TRABD2B: variants seen among roughly 807,000 people sequenced by gnomAD.
TRABD2B encodes TraB domain containing 2B.
Under a neutral mutation model 40.1 loss-of-function variants are expected in TRABD2B, and 14 were observed. The observed-to-expected ratio is 0.35, with a 90% CI of 0.23 to 0.55. The LOEUF is 0.55. Ranked by LOEUF, TRABD2B falls within the 20% of genes least tolerant of loss-of-function variation. The pLI is 0.90. For synonymous variants in TRABD2B, 263 were observed against 277.0 expected (o/e 0.95, Z 0.50); for missense variants, 541 against 648.6 (o/e 0.83, Z 1.80).
At chr1:47,979,036 G>T (rs184574742) in intron 2 of TRABD2B, among the ~76,000 whole-genome samples, 1 of 152,018 alleles carries the variant, frequency 6.6e-6, no homozygotes, top group East Asian at 1.9e-4. Flanking sequence ...TGCTACAGCC[G>T]CACCAGGAGT....
At chr1:47,959,948 G>A (rs180713266) in intron 2 of TRABD2B, among the ~76,000 whole-genome samples, 381 of 152,122 alleles carry the variant, frequency 2.5e-3, no homozygotes, top group African/African-American at 8.5e-3. Flanking sequence ...AATGAATATC[G>A]ATGCAAAAAT....
intron 4 of TRABD2B, among the ~76,000 whole-genome samples, chr1:47,784,077 C>T (rs572687045): frequency 8.5e-5 from 13 of 152,266 alleles, no homozygotes; most frequent in African/African-American, 2.9e-4. Context: ...GCTTCTCAAA[C>T]GTCATTTCAT....
At chr1:47,827,396 GC>G (rs1645190743) in intron 2 of TRABD2B, among the ~76,000 whole-genome samples, 1 of 152,222 alleles carries the variant, frequency 6.6e-6, no homozygotes, top group East Asian at 1.9e-4. Flanking sequence ...TGTCTGTGTG[GC>G]CCATGGCAAG....
Position 47,761,165 on chromosome 1 carries a change from A to C in TRABD2B, c.*4737T>G, listed in dbSNP as rs1398918380. The C allele has an allele frequency of 2.6e-5, 4 of 152,464 alleles. No homozygotes were observed. The highest frequency in any genetic ancestry group is 2.0e-4 in the Admixed American group (3 of 15,288). 9.4% of individuals were successfully genotyped at this position (152,464 alleles called of 1,614,324 possible). On this transcript the variant is annotated 3_prime_UTR_variant, in exon 7 of 7. Coordinates refer to ENST00000606738, the MANE Select transcript of TRABD2B (RefSeq NM_001194986.2). Reference sequence around the variant, plus strand: ...GACAGATGAGGAAGTGAAGGCTCAGAGAGGGACAGGAACTTGCCCAAGGTC... The same window carrying C: ...GACAGATGAGGAAGTGAAGGCTCAGCGAGGGACAGGAACTTGCCCAAGGTC...
At chr1:47,815,236 A>G (rs1645015284) in intron 2 of TRABD2B, among the ~76,000 whole-genome samples, 1 of 152,248 alleles carries the variant, frequency 6.6e-6, no homozygotes, top group African/African-American at 2.4e-5. Context: ...GAAGTCAGAC[A>G]CATTCTGGAT....
chr1:47,861,256 C>T (rs1212851539), intron 2 of TRABD2B, among the ~76,000 whole-genome samples: 1 of 148,354 alleles, frequency 6.7e-6, no homozygotes, highest in African/African-American at 2.4e-5. Flanking sequence ...ACCTAGAAGG[C>T]ATTTTTGGTT....
chr1:47,924,709 G>A (rs188265110), intron 2 of TRABD2B, among the ~76,000 whole-genome samples: 9 of 152,262 alleles, frequency 5.9e-5, no homozygotes, highest in Admixed American at 1.3e-4. Context: ...AAGTAAGCAA[G>A]CAGAGGACAC....
At chr1:47,993,940 G>T in intron 2 of TRABD2B, 94 bp downstream of exon 2, 1 of 1,299,074 alleles carries the variant, frequency 7.7e-7, no homozygotes, top group Non-Finnish European at 1.0e-6. Flanking sequence ...GACTCTGGCT[G>T]CCTCCCCCTC....
At chr1:47,906,025 C>T (rs904244380) in intron 2 of TRABD2B, among the ~76,000 whole-genome samples, 19 of 152,148 alleles carry the variant, frequency 1.2e-4, no homozygotes, top group African/African-American at 4.6e-4. Context: ...TTTTTATGCC[C>T]AGAAACAAGT....
At chr1:47,924,898 A>C (rs1644950028) in intron 2 of TRABD2B, among the ~76,000 whole-genome samples, 1 of 152,096 alleles carries the variant, frequency 6.6e-6, no homozygotes, top group African/African-American at 2.4e-5. Context: ...GTGACTAAGA[A>C]CCTACTCCTG....
At chr1:47,771,987 C>G (rs866287893) in intron 6 of TRABD2B, among the ~76,000 whole-genome samples, 1 of 152,140 alleles carries the variant, frequency 6.6e-6, no homozygotes, top group Non-Finnish European at 1.5e-5. Flanking sequence ...GGCCTCCCAG[C>G]CTGGAGCATG....
chr1:47,938,774 C>T (rs575147022), intron 2 of TRABD2B, among the ~76,000 whole-genome samples: 29 of 152,162 alleles, frequency 1.9e-4, no homozygotes, highest in Non-Finnish European at 3.2e-4. Flanking sequence ...GGGGTGAAGA[C>T]AGTGCACACA....
In TRABD2B at chr1:47,973,601, T is replaced by C. The variant is rs183411378; in HGVS notation, c.666+20433A>G. 1.9e-3 allele frequency among the ~76,000 whole-genome samples: 282 copies of C among 152,214 alleles called. 1 individual carries two copies. The highest frequency in any genetic ancestry group is 2.1e-3 in the South Asian group (10 of 4,806). ...CAAAATGTGCAAGTGCCACCCCAGATTCTTGAAATCTCCACAAGCAACCAA... is the reference window on the plus strand; with the variant it reads ...CAAAATGTGCAAGTGCCACCCCAGACTCTTGAAATCTCCACAAGCAACCAA... On this transcript the variant is annotated intron_variant, in intron 2 of 6. Coordinates refer to ENST00000606738, the MANE Select transcript of TRABD2B (RefSeq NM_001194986.2).
chr1:47,989,314 A>G (rs536552819), intron 2 of TRABD2B, among the ~76,000 whole-genome samples: 2 of 152,368 alleles, frequency 1.3e-5, no homozygotes, highest in South Asian at 2.1e-4. Context: ...GCTGTGATTT[A>G]TACTTTTCTT....
In TRABD2B at chr1:47,815,845, A is replaced by ATAGCTAGC. The variant is rs59538710; in HGVS notation, c.667-14227_667-14226insGCTAGCTA. 5.5e-4 allele frequency among the ~76,000 whole-genome samples: 70 copies of ATAGCTAGC among 127,290 alleles called. 1 individual carries two copies. The highest frequency in any genetic ancestry group is 1.1e-3 in the African/African-American group (42 of 36,896). The allele number at this position is 127,290 out of a possible 152,430, so 83.5% of individuals were successfully genotyped here. A position where few individuals can be genotyped will look rare whatever the true frequency, so the allele number is the denominator to read the frequency against. ...GATAGATAGATAGATAGATAGATAGATAGATAGAAATAGAGTCAGGAGTGT... is the reference window on the plus strand; with the variant it reads ...GATAGATAGATAGATAGATAGATAGATAGCTAGCTAGATAGAAATAGAGTCAGGAGTGT... On this transcript the variant is annotated intron_variant, in intron 2 of 6. Transcript: ENST00000606738.
chr1:47,764,311 A>G lies in TRABD2B; in HGVS notation c.*1591T>C, dbSNP rs1394720593. On this transcript the variant is annotated 3_prime_UTR_variant, in exon 7 of 7. Transcript: ENST00000606738. ...ATTCCTCCTACTGTTACTATTATCCATCAAGTGAAGGGTCCTTTCTGCTGT... is the reference window on the plus strand; with the variant it reads ...ATTCCTCCTACTGTTACTATTATCCGTCAAGTGAAGGGTCCTTTCTGCTGT... The G allele has an allele frequency of 1.3e-5, 2 of 152,136 alleles. No individual in the cohort carries two copies. The highest frequency in any genetic ancestry group is 1.5e-5 in the Non-Finnish European group (1 of 68,028). 9.4% of individuals were successfully genotyped at this position (152,136 alleles called of 1,614,324 possible).
intron 4 of TRABD2B, among the ~76,000 whole-genome samples, chr1:47,786,733 G>A (rs771487816): frequency 2.6e-5 from 4 of 152,072 alleles, no homozygotes; most frequent in Non-Finnish European, 4.4e-5. Flanking sequence ...TTAGAGATGA[G>A]GGTCTCACTC....
rs188398867 is a variant in TRABD2B at position 47,773,651 on chromosome 1, T to C, written c.1349+1519A>G. On this transcript the variant is annotated intron_variant, in intron 6 of 6. Transcript: ENST00000606738. ...TGGCTTTGCTCCTCCTTGCCTTCTT[T>C]CATGATTGTGAGGCTTCCTCAGCCA... Among the ~76,000 whole-genome samples, 147 of 152,368 alleles carry C rather than the reference T, an allele frequency of 9.6e-4. 1 individual carries two copies. Among genetic ancestry groups the C allele is most frequent in the African/African-American group, 3.3e-3 (136 of 41,588 alleles).
At chr1:47,985,992 G>A (rs1020009586) in intron 2 of TRABD2B, among the ~76,000 whole-genome samples, 69 of 152,280 alleles carry the variant, frequency 4.5e-4, no homozygotes, top group African/African-American at 1.5e-3. Context: ...GAGGGAGGGA[G>A]GGAGATATCA....
Sources: gnomAD v4.1 joint callset for allele counts (sites outside exome capture counted in the v4.1 genomes callset) on GRCh38, gnomAD v4.1.1 for gene constraint, MANE v1.5 for transcripts, NCBI Gene and HGNC (gene_info 2026-07-23, HGNC 2026-07-21) for gene names.